Variants in CDH13 observed in about 807,000 individuals in gnomAD.
The protein encoded by CDH13 is cadherin-13.
In CDH13, 24 loss-of-function variants were observed where a neutral mutation model predicts 63.8. The observed-to-expected ratio is 0.38, with a 90% CI of 0.27 to 0.53. The LOEUF is 0.53. Ranked by LOEUF, CDH13 falls within the 20% of genes least tolerant of loss-of-function variation. The pLI, the probability that CDH13 is intolerant of heterozygous loss-of-function variation, is 0.85. For synonymous variants in CDH13, 503 were observed against 355.3 expected (o/e 1.42, Z -4.67); for missense variants, 1,049 against 903.1 (o/e 1.16, Z -2.07).
intron 10 of CDH13, among the ~76,000 whole-genome samples, chr16:83,695,670 G>A (rs1905303518): frequency 6.6e-6 from 1 of 152,112 alleles, no homozygotes; most frequent in Admixed American, 6.6e-5. Context: ...AAAAGAATAG[G>A]GGCCAGGAAG....
chr16:83,206,519 G>A (rs988446087), intron 4 of CDH13, among the ~76,000 whole-genome samples: 4 of 152,180 alleles, frequency 2.6e-5, no homozygotes, highest in African/African-American at 4.8e-5. Context: ...ACATGCACCC[G>A]ACAGTTTTGT....
chr16:83,574,663 C>T (rs769661288), intron 7 of CDH13, among the ~76,000 whole-genome samples: 2 of 152,216 alleles, frequency 1.3e-5, no homozygotes, highest in Non-Finnish European at 2.9e-5. Context: ...TGGGTCTTAA[C>T]AAATCTATTC....
chr16:83,041,008 C>A (rs1424154585), intron 3 of CDH13, among the ~76,000 whole-genome samples: 1 of 152,162 alleles, frequency 6.6e-6, no homozygotes, highest in Non-Finnish European at 1.5e-5. Context: ...CAGGTGCTCA[C>A]TGTATAGGAA....
At chr16:83,271,053 G>A (rs1258752240) in intron 5 of CDH13, among the ~76,000 whole-genome samples, 1 of 150,790 alleles carries the variant, frequency 6.6e-6, no homozygotes, top group African/African-American at 2.4e-5. Flanking sequence ...AACACCACCA[G>A]CTCCCTGCTT....
rs142396095 is a variant in CDH13, at chr16:83,305,597, C to T, written c.637-39265C>T. On this transcript the variant is annotated intron_variant, in intron 5 of 13. Transcript: ENST00000567109. ...CCAAGTTGGCATCCCAGTTCTTCCA[C>T]GTAGCAGCTATAACCTTGATGCAGT... Among the ~76,000 whole-genome samples the T allele has an allele frequency of 2.4e-3, 359 of 152,310 alleles. 3 individuals carry two copies. Among genetic ancestry groups the T allele is most frequent in the East Asian group, 0.018 (94 of 5,168 alleles).
At chr16:83,672,490 T>A (rs1349237769) in intron 9 of CDH13, among the ~76,000 whole-genome samples, 2 of 141,960 alleles carry the variant, frequency 1.4e-5, no homozygotes, top group Non-Finnish European at 3.1e-5. Context: ...AGTGGCCTGA[T>A]CTTGGCTCAC....
intron 10 of CDH13, among the ~76,000 whole-genome samples, chr16:83,706,406 G>A (rs1342202842): frequency 6.6e-6 from 1 of 152,176 alleles, no homozygotes; most frequent in African/African-American, 2.4e-5. Flanking sequence ...ACCTGTGAAC[G>A]AGAGGAGCGT....
chr16:82,833,996 A>T (rs1243779003), intron 1 of CDH13, among the ~76,000 whole-genome samples: 1 of 152,246 alleles, frequency 6.6e-6, no homozygotes, highest in Non-Finnish European at 1.5e-5. Flanking sequence ...CAATCAGGTT[A>T]GTCACTGGCC....
At chr16:83,394,690 T>A (rs1288509046) in intron 6 of CDH13, among the ~76,000 whole-genome samples, 1 of 152,066 alleles carries the variant, frequency 6.6e-6, no homozygotes, top group East Asian at 1.9e-4. Flanking sequence ...TCAAAGTGGA[T>A]GAGAACAAAA....
At chr16:83,490,189 T>A (rs1436065525) in intron 7 of CDH13, among the ~76,000 whole-genome samples, 1 of 152,186 alleles carries the variant, frequency 6.6e-6, no homozygotes, top group Admixed American at 6.5e-5. Context: ...CATCTTTATT[T>A]TCCATTTAGT....
In CDH13 at chr16:83,176,860, C is replaced by A. The variant is rs111509326; in HGVS notation, c.484-40485C>A. On this transcript the variant is annotated intron_variant, in intron 4 of 13. Transcript: ENST00000567109. The stretch of plus-strand genomic sequence containing the variant: ...GTTGAGCCTGGGTCTTAAGTCTGAG[C>A]GAGCCCTTAGTTACCTTCCTCTCCC... Among the ~76,000 whole-genome samples the A allele has an allele frequency of 7.9e-3, 1,201 of 152,186 alleles. 12 individuals are homozygous for A. Among genetic ancestry groups the A allele is most frequent in the Non-Finnish European group, 0.014 (920 of 68,004 alleles).
chr16:83,180,479 C>T (rs960613782), intron 4 of CDH13, among the ~76,000 whole-genome samples: 1 of 152,138 alleles, frequency 6.6e-6, no homozygotes, highest in African/African-American at 2.4e-5. Flanking sequence ...GAGCATGAGA[C>T]TTTTAACGTA....
intron 1 of CDH13, among the ~76,000 whole-genome samples, chr16:82,766,817 TATA>T (rs1276328970): frequency 6.6e-6 from 1 of 152,216 alleles, no homozygotes; most frequent in Non-Finnish European, 1.5e-5. Context: ...TACTATAACA[TATA>T]ATATTGACCT....
chr16:83,037,742 G>C (rs940902809), intron 3 of CDH13, among the ~76,000 whole-genome samples: 1 of 152,140 alleles, frequency 6.6e-6, no homozygotes, highest in African/African-American at 2.4e-5. Flanking sequence ...GGGAGTTTTG[G>C]CTTATGTTGG....
intron 4 of CDH13, among the ~76,000 whole-genome samples, chr16:83,127,018 G>C (rs1302845320): frequency 1.3e-5 from 2 of 152,168 alleles, no homozygotes; most frequent in Non-Finnish European, 2.9e-5. Context: ...CTGGTTGGAG[G>C]TACTGATATT....
At chr16:82,759,741 G>C (rs2034757436) in intron 1 of CDH13, among the ~76,000 whole-genome samples, 1 of 151,990 alleles carries the variant, frequency 6.6e-6, no homozygotes, top group Non-Finnish European at 1.5e-5. Flanking sequence ...ATAGAGAATG[G>C]TCTATAGAAT....
intron 2 of CDH13, among the ~76,000 whole-genome samples, chr16:82,956,796 TTG>T (rs1906180519): frequency 6.6e-6 from 1 of 152,216 alleles, no homozygotes; most frequent in African/African-American, 2.4e-5. Flanking sequence ...TTTCAATAAC[TTG>T]TGTCTCAGTG....
chr16:83,733,828 C>G (rs916732024), intron 10 of CDH13, among the ~76,000 whole-genome samples: 1 of 152,236 alleles, frequency 6.6e-6, no homozygotes, highest in Non-Finnish European at 1.5e-5. Flanking sequence ...AACTGATCAC[C>G]TGTCCAGACA....
intron 5 of CDH13, among the ~76,000 whole-genome samples, chr16:83,342,677 G>T (rs1227879634): frequency 2.0e-5 from 3 of 151,990 alleles, no homozygotes; most frequent in Admixed American, 2.0e-4. Flanking sequence ...TGGATCTGTT[G>T]TCTGCCCTTC....
Sources: gnomAD v4.1 joint callset for allele counts (sites outside exome capture counted in the v4.1 genomes callset) on GRCh38, gnomAD v4.1.1 for gene constraint, MANE v1.5 for transcripts, NCBI Gene and HGNC (gene_info 2026-07-23, HGNC 2026-07-21) for gene names.